EXOC4: variants seen among roughly 807,000 people sequenced by gnomAD.
EXOC4 encodes the protein exocyst complex component 4.
In EXOC4, 71 loss-of-function variants were observed where a neutral mutation model predicts 107.2. The observed-to-expected ratio is 0.66, with a 90% confidence interval of 0.55 to 0.81. EXOC4 has a LOEUF of 0.81. Among genes scored for constraint, EXOC4 ranks in the 30% least tolerant of loss-of-function variants. The probability of loss-of-function intolerance (pLI) is 0.00; values close to 1 mark genes in which losing one functional copy is unlikely to be tolerated. For missense variants in EXOC4, 1,108 were observed against 1,189.6 expected, an observed-to-expected ratio of 0.93 and a Z score of 1.01; for synonymous variants, 456 against 441.2, an observed-to-expected ratio of 1.03 and a Z score of -0.42.
At chr7:134,097,178 T>C in the EXOC4 span, among the ~76,000 whole-genome samples, 1 of 152,074 alleles carries the variant, frequency 6.6e-6, no homozygotes, top group African/African-American at 2.4e-5. Flanking sequence ...CTCCCAATGA[T>C]TGGAGATGTT....
intron 9 of EXOC4, among the ~76,000 whole-genome samples, chr7:133,605,173 T>A (rs1159821713): frequency 6.6e-6 from 1 of 152,226 alleles, no homozygotes; most frequent in East Asian, 1.9e-4. Flanking sequence ...AATTCATCAA[T>A]TCTTCAACAA....
At chr7:133,453,068 GAACGAGGCA>G (rs1798383274) in intron 7 of EXOC4, among the ~76,000 whole-genome samples, 1 of 152,118 alleles carries the variant, frequency 6.6e-6, no homozygotes, top group South Asian at 2.1e-4. Context: ...CCATAAATAT[GAACGAGGCA>G]TTAAAAGAGC....
chr7:133,544,850 C>G (rs1800450604), intron 9 of EXOC4, among the ~76,000 whole-genome samples: 1 of 142,994 alleles, frequency 7.0e-6, no homozygotes, highest in Non-Finnish European at 1.5e-5. Flanking sequence ...TTTTTTTCCC[C>G]TGGTCACTGT....
intron 10 of EXOC4, among the ~76,000 whole-genome samples, chr7:133,750,930 A>G (rs995373333): frequency 6.6e-6 from 1 of 152,166 alleles, no homozygotes; most frequent in Admixed American, 6.5e-5. Context: ...TTTGGAGAAG[A>G]TAAAGTTTCC....
At chr7:133,351,768 G>A (rs1308926504) in intron 5 of EXOC4, among the ~76,000 whole-genome samples, 1 of 151,750 alleles carries the variant, frequency 6.6e-6, no homozygotes, top group East Asian at 1.9e-4. Flanking sequence ...GTAAAATTAA[G>A]CTGTTGTTTT....
chr7:133,627,312 C>T (rs1344051395), intron 9 of EXOC4, among the ~76,000 whole-genome samples: 1 of 152,104 alleles, frequency 6.6e-6, no homozygotes, highest in Non-Finnish European at 1.5e-5. Flanking sequence ...GCATAGAGCG[C>T]AACTATACAT....
intron 15 of EXOC4, among the ~76,000 whole-genome samples, chr7:134,001,553 T>G (rs1296948517): frequency 1.3e-5 from 2 of 152,254 alleles, no homozygotes; most frequent in East Asian, 3.9e-4. Context: ...CCCAGTAGCT[T>G]GAAGGTCTCA....
At chr7:133,491,628 A>C (rs572691035) in intron 9 of EXOC4, among the ~76,000 whole-genome samples, 1 of 152,090 alleles carries the variant, frequency 6.6e-6, no homozygotes, top group Non-Finnish European at 1.5e-5. Context: ...TTCTAGGCCA[A>C]CTATATTCTG....
At chr7:133,261,071 A>C (rs1161998188) in intron 1 of EXOC4, among the ~76,000 whole-genome samples, 2 of 152,020 alleles carry the variant, frequency 1.3e-5, no homozygotes, top group African/African-American at 4.8e-5. Context: ...TATCTTCTTT[A>C]TCTGGAAGTT....
intron 14 of EXOC4, among the ~76,000 whole-genome samples, chr7:133,952,946 G>A (rs1470785467): frequency 1.3e-5 from 2 of 152,174 alleles, no homozygotes; most frequent in African/African-American, 4.8e-5. Flanking sequence ...GAGTAATGCT[G>A]CTGTAACATG....
At chr7:133,729,746 T>C (rs113764803) in intron 10 of EXOC4, among the ~76,000 whole-genome samples, 6 of 152,222 alleles carry the variant, frequency 3.9e-5, no homozygotes, top group African/African-American at 1.4e-4. Context: ...CTTCCTTATT[T>C]TGATGGTAAC....
At chr7:133,996,123 A>T (rs944801872) in intron 14 of EXOC4, among the ~76,000 whole-genome samples, 10 of 152,360 alleles carry the variant, frequency 6.6e-5, no homozygotes, top group East Asian at 1.9e-4. Context: ...TAACCTGGAC[A>T]AATCACTTGC....
rs1795526932 is a variant in EXOC4, at chr7:133,336,796, CCAT to C, written c.763+19408_763+19410del. ...GTCGCCAGGCTGGAGTGCAGTGGCA[CCAT>C]CTTGGCTCACTGCAACCTCCGCCTC... On this transcript the variant is annotated intron_variant, in intron 5 of 17. Coordinates refer to ENST00000253861, the MANE Select transcript of EXOC4 (RefSeq NM_021807.4). Among the ~76,000 whole-genome samples the C allele has an allele frequency of 4.6e-5, 7 of 150,828 alleles. 1 individual carries two copies. The highest frequency in any genetic ancestry group is 1.7e-4 in the African/African-American group (7 of 41,054).
chr7:133,387,518 CATT>C (rs929097780), intron 7 of EXOC4, among the ~76,000 whole-genome samples: 10 of 152,172 alleles, frequency 6.6e-5, no homozygotes, highest in South Asian at 2.1e-4. Flanking sequence ...TTGACAAATG[CATT>C]ATTTCATCCA....
At chr7:133,375,646 A>G (rs897457298) in intron 7 of EXOC4, among the ~76,000 whole-genome samples, 22 of 152,314 alleles carry the variant, frequency 1.4e-4, no homozygotes, top group Admixed American at 1.2e-3. Flanking sequence ...TATTTTATAA[A>G]CATGTACATA....
At chr7:133,560,795 A>T (rs897406154) in intron 9 of EXOC4, among the ~76,000 whole-genome samples, 2 of 152,234 alleles carry the variant, frequency 1.3e-5, no homozygotes, top group Non-Finnish European at 2.9e-5. Flanking sequence ...TCATTTAAGG[A>T]TAACTGTATA....
chr7:133,280,304 C>A (rs900943029), intron 2 of EXOC4, among the ~76,000 whole-genome samples: 4 of 152,126 alleles, frequency 2.6e-5, no homozygotes, highest in African/African-American at 7.2e-5. Context: ...CATTGGTAAA[C>A]CTCCAGTTCC....
At chr7:133,750,427 G>T (rs1328489007) in intron 10 of EXOC4, among the ~76,000 whole-genome samples, 1 of 152,074 alleles carries the variant, frequency 6.6e-6, no homozygotes. Context: ...GAGCACCATT[G>T]GTAGCTCACT....
intron 3 of EXOC4, among the ~76,000 whole-genome samples, chr7:133,295,680 G>A (rs904802379): frequency 2.0e-5 from 3 of 152,124 alleles, no homozygotes; most frequent in African/African-American, 7.2e-5. Context: ...TGTCAGTAAA[G>A]CTGTGTCATT....
Sources: allele counts gnomAD v4.1 joint callset (sites outside exome capture counted in the v4.1 genomes callset), GRCh38; gene constraint gnomAD v4.1.1; transcripts MANE v1.5; gene names NCBI Gene and HGNC (gene_info 2026-07-23, HGNC 2026-07-21).